Variants in ATRNL1 observed in about 807,000 individuals in gnomAD.
The protein encoded by ATRNL1 is attractin-like protein 1.
ATRNL1 carries 95 observed loss-of-function variants against 182.7 expected under a neutral mutation model. That is an observed-to-expected ratio of 0.52 (90% CI 0.44 to 0.62). ATRNL1 has a LOEUF of 0.62. Ranked by LOEUF, ATRNL1 falls within the 20% of genes least tolerant of loss-of-function variation. The pLI is 0.00. For synonymous variants in ATRNL1, 576 were observed against 568.3 expected (o/e 1.01, Z -0.19); for missense variants, 1,471 against 1,679.5 (o/e 0.88, Z 2.17).
intron 27 of ATRNL1, among the ~76,000 whole-genome samples, chr10:115,775,000 G>A (rs1330275435): frequency 1.3e-5 from 2 of 151,982 alleles, no homozygotes; most frequent in African/African-American, 4.8e-5. Flanking sequence ...GCTAAGAAAT[G>A]AATACCATTG....
chr10:115,533,491 C>G (rs1851741336), intron 25 of ATRNL1, among the ~76,000 whole-genome samples: 1 of 151,902 alleles, frequency 6.6e-6, no homozygotes, highest in Non-Finnish European at 1.5e-5. Flanking sequence ...ATTCTTCTCT[C>G]TTTTTTTCTT....
At chr10:115,909,660 G>A (rs1952615477) in intron 28 of ATRNL1, 1 of 148,566 alleles carries the variant, frequency 6.7e-6, no homozygotes, top group Non-Finnish European at 1.5e-5. Flanking sequence ...AAGTGAGGTG[G>A]GAGGACAAAT....
intron 26 of ATRNL1, among the ~76,000 whole-genome samples, chr10:115,716,254 A>AT (rs1947247734): frequency 6.6e-6 from 1 of 152,118 alleles, no homozygotes; most frequent in Non-Finnish European, 1.5e-5. Flanking sequence ...CTGGAGAACC[A>AT]TTTTTTAGCA....
intron 26 of ATRNL1, among the ~76,000 whole-genome samples, chr10:115,653,886 C>T (rs1331155900): frequency 2.6e-5 from 4 of 152,172 alleles, no homozygotes; most frequent in African/African-American, 9.6e-5. Flanking sequence ...TGAGTTTCAC[C>T]TACAAATGCA....
intron 26 of ATRNL1, among the ~76,000 whole-genome samples, chr10:115,578,730 T>C (rs1187420948): frequency 1.3e-5 from 2 of 151,648 alleles, no homozygotes; most frequent in Admixed American, 1.3e-4. Context: ...TTCTGTTTGA[T>C]TCCTATGCTG....
intron 26 of ATRNL1, among the ~76,000 whole-genome samples, chr10:115,669,184 T>A (rs1210221941): frequency 2.6e-5 from 4 of 152,094 alleles, no homozygotes; most frequent in African/African-American, 9.7e-5. Flanking sequence ...AAGAAAACAT[T>A]TATACTAAAC....
chr10:115,734,603 A>G (rs2420110), intron 27 of ATRNL1, among the ~76,000 whole-genome samples: 75,313 of 151,832 alleles, frequency 0.5, 19,594 homozygotes, highest in East Asian at 0.75. Flanking sequence ...TCATCTTTCT[A>G]TTGGAACATT....
chr10:115,373,125 G>A (rs1404219760), intron 19 of ATRNL1, among the ~76,000 whole-genome samples: 2 of 151,856 alleles, frequency 1.3e-5, no homozygotes, highest in African/African-American at 4.8e-5. Context: ...ATTTTTCATA[G>A]CTATTATAAA....
chr10:115,614,925 T>G (rs1338188105), intron 26 of ATRNL1, among the ~76,000 whole-genome samples: 1 of 152,144 alleles, frequency 6.6e-6, no homozygotes, highest in Non-Finnish European at 1.5e-5. Context: ...AGAGGTGAAG[T>G]GAGTTTCTTA....
chr10:115,650,590 C>G (rs1325760415), intron 26 of ATRNL1, among the ~76,000 whole-genome samples: 1 of 151,976 alleles, frequency 6.6e-6, no homozygotes, highest in African/African-American at 2.4e-5. Context: ...AATAGAAAAG[C>G]TGACCATGTT....
chr10:115,522,365 G>C (rs1850983890), intron 25 of ATRNL1, among the ~76,000 whole-genome samples: 1 of 152,086 alleles, frequency 6.6e-6, no homozygotes, highest in South Asian at 2.1e-4. Context: ...GGAGAGAAGA[G>C]GTGACAGCCA....
intron 21 of ATRNL1, among the ~76,000 whole-genome samples, chr10:115,427,477 T>C (rs1365431363): frequency 1.3e-5 from 2 of 152,212 alleles, no homozygotes; most frequent in African/African-American, 2.4e-5. Context: ...GCTTGACTTA[T>C]CAGTTTGTTC....
chr10:115,094,043 A>G lies in ATRNL1; in HGVS notation c.293A>G (p.Lys98Arg). 3.4e-6 allele frequency: 5 copies of G among 1,487,146 alleles called. No individual in the cohort carries two copies. Among genetic ancestry groups the G allele is most frequent in the Non-Finnish European group, 4.5e-6 (5 of 1,113,694 alleles). 92.1% of individuals were successfully genotyped at this position (1,487,146 alleles called of 1,614,324 possible). Residue 98 changes from lysine to arginine, a missense_variant and splice_region_variant, in exon 1 of 29, where the codon AAG becomes AGG. Lys to Arg is a conservative substitution (Grantham distance 26). This residue lies in a region of ATRNL1 where 1,031 missense variants were observed against 1,156.0 expected (regional missense o/e 0.89). Coordinates refer to ENST00000355044, the MANE Select transcript of ATRNL1 (RefSeq NM_207303.4). The part of the protein sequence containing the change: ...DQCQHCQGRF[K>R]LTEPSGYLTD... ...TGCCAGCACTGCCAGGGCAGGTTCAAGTAAGTGCCTTCGCCGGACCCCGAA... is the reference window on the plus strand; with the variant it reads ...TGCCAGCACTGCCAGGGCAGGTTCAGGTAAGTGCCTTCGCCGGACCCCGAA...
In ATRNL1 at chr10:115,171,079, G is replaced by A; in HGVS notation, c.1135G>A (p.Gly379Ser). Residue 379 changes from glycine (G) to serine (S), a missense_variant, in exon 8 of 29, where the codon GGC (glycine) becomes AGC (serine). Gly to Ser is a moderately conservative substitution (Grantham distance 56, BLOSUM62 0). Around this residue, in one of 3 missense-constraint regions of ATRNL1, gnomAD observed 1,031 missense variants for 1,156.0 expected, o/e 0.89. Coordinates refer to ENST00000355044, the MANE Select transcript of ATRNL1 (RefSeq NM_207303.4). ...TGGAGGCAGAATTGAAACAAATGAT[G>A]GCAATGTCACAGATGAATTATGGGT... ...MYGGRIETND[G>S]NVTDELWVFN... The A allele has an allele frequency of 6.3e-7, 1 of 1,582,206 alleles. No individual in the cohort carries two copies. The highest frequency in any genetic ancestry group is 8.6e-7 in the Non-Finnish European group (1 of 1,161,688).
intron 26 of ATRNL1, among the ~76,000 whole-genome samples, chr10:115,680,822 C>A (rs187792819): frequency 2.0e-5 from 3 of 152,180 alleles, no homozygotes; most frequent in Non-Finnish European, 4.4e-5. Context: ...AAGTGGTATC[C>A]TTGAAGTGTA....
At chr10:115,832,352 T>A (rs1284117263) in intron 27 of ATRNL1, among the ~76,000 whole-genome samples, 1 of 152,192 alleles carries the variant, frequency 6.6e-6, no homozygotes, top group Non-Finnish European at 1.5e-5. Context: ...TCCACCAACC[T>A]AAGTGGGAAG....
intron 26 of ATRNL1, among the ~76,000 whole-genome samples, chr10:115,573,621 G>A (rs2250738): frequency 0.97 from 147,944 of 152,142 alleles, 72,096 homozygotes; most frequent in East Asian, 1. Flanking sequence ...TCCTGTCTGT[G>A]TTATTTTCAG....
At chr10:115,119,348 G>GTA (rs1466532528) in intron 1 of ATRNL1, among the ~76,000 whole-genome samples, 7 of 152,100 alleles carry the variant, frequency 4.6e-5, no homozygotes, top group African/African-American at 1.7e-4. Flanking sequence ...GTATATGTGT[G>GTA]TGTGTGTATG....
At chr10:115,915,557 T>G (rs1257277932) in intron 28 of ATRNL1, among the ~76,000 whole-genome samples, 1 of 152,070 alleles carries the variant, frequency 6.6e-6, no homozygotes, top group Non-Finnish European at 1.5e-5. Flanking sequence ...TATGTATTGG[T>G]ATATATATAG....
Sources: gnomAD v4.1 joint callset for allele counts (sites outside exome capture counted in the v4.1 genomes callset) on GRCh38, gnomAD v4.1.1 for gene constraint, gnomAD v4.1.1 regional missense constraint, MANE v1.5 for transcripts, NCBI Gene and HGNC (gene_info 2026-07-23, HGNC 2026-07-21) for gene names.